GCH1: variants seen among roughly 807,000 people sequenced by gnomAD.
GCH1 encodes GTP cyclohydrolase 1, also known as GTP cyclohydrolase I.
A neutral mutation model predicts 25.9 loss-of-function variants in GCH1; 5 were observed. That is an observed-to-expected ratio of 0.19 (90% CI 0.10 to 0.41). GCH1 has a LOEUF of 0.41. GCH1 is among the 10% of genes least tolerant of loss of function. The pLI is 1.00. For synonymous variants in GCH1, 159 were observed against 129.6 expected, an observed-to-expected ratio of 1.23 and a Z score of -1.54; for missense variants, 261 against 336.5, an observed-to-expected ratio of 0.78 and a Z score of 1.75.
Position 54,902,574 on chromosome 14 carries a change from G to A in GCH1, c.90C>T (p.Pro30=). ...NGFPERDPPR[P]GPSRPAEKPP... is the part of the protein sequence containing the mutation. Reference sequence around the variant, plus strand: ...GCTTCTCCGCCGGCCTGCTGGGCCCGGGCCGCGGCGGATCCCGCTCGGGGA... The same window carrying A: ...GCTTCTCCGCCGGCCTGCTGGGCCCAGGCCGCGGCGGATCCCGCTCGGGGA... The change falls in exon 1 of 6, where the codon CCC becomes CCT. Residue 30 remains proline (P), a synonymous_variant. Transcript: ENST00000491895. 7 of 1,493,426 alleles carry A rather than the reference G, an allele frequency of 4.7e-6. No individual in the cohort carries two copies. The highest frequency in any genetic ancestry group is 6.2e-6 in the Non-Finnish European group (7 of 1,124,168). 92.5% of individuals were successfully genotyped at this position (1,493,426 alleles called of 1,614,324 possible).
Position 54,842,514 on chromosome 14 carries a change from C to T in GCH1, c.*1503G>A, listed in dbSNP as rs906968332. Reference sequence around the variant, plus strand: ...CAAGCCAACCATCACTGTACTTAAACTCCAGAAAGAAAAAGCTAGGAAACA... The same window carrying T: ...CAAGCCAACCATCACTGTACTTAAATTCCAGAAAGAAAAAGCTAGGAAACA... On this transcript the variant is annotated 3_prime_UTR_variant, in exon 6 of 6. Coordinates refer to ENST00000491895, the MANE Select transcript of GCH1 (RefSeq NM_000161.3). The T allele has an allele frequency of 1.3e-5, 2 of 152,806 alleles. No homozygotes were observed. Among genetic ancestry groups the T allele is most frequent in the African/African-American group, 4.8e-5 (2 of 41,436 alleles). The allele number at this position is 152,806 out of a possible 1,614,324, so 9.5% of individuals were successfully genotyped here. A position where few individuals can be genotyped will look rare whatever the true frequency, so the allele number is the denominator to read the frequency against.
intron 3 of GCH1, among the ~76,000 whole-genome samples, chr14:54,851,495 G>A (rs2039730037): frequency 6.6e-6 from 1 of 152,182 alleles, no homozygotes; most frequent in African/African-American, 2.4e-5. Context: ...CTAATATCCA[G>A]AATCTACAAA....
At chr14:54,892,852 G>A (rs533903425) in intron 1 of GCH1, among the ~76,000 whole-genome samples, 1 of 152,050 alleles carries the variant, frequency 6.6e-6, no homozygotes, top group Non-Finnish European at 1.5e-5. Flanking sequence ...GTTGAGACAG[G>A]CCAATCACTT....
Position 54,902,414 on chromosome 14 carries a change from C to G in GCH1, c.250G>C (p.Glu84Gln), listed in dbSNP as rs755556239. The part of the protein sequence containing the change: ...AYSSILSSLG[E>Q]NPQRQGLLKT... ...AGCAGCCCTTGCCGCTGGGGGTTCT[C>G]GCCCAGCGAGCTCAGGATGGACGAG... The change falls in exon 1 of 6, where the codon GAG becomes CAG. Residue 84 changes from glutamate to glutamine, a missense_variant. Around this residue, in one of 3 missense-constraint regions of GCH1, gnomAD observed 125 missense variants for 128.7 expected, o/e 0.97. Transcript: ENST00000491895. 2 of 1,612,970 alleles carry G rather than the reference C, an allele frequency of 1.2e-6. No individual in the cohort carries two copies. The highest frequency in any genetic ancestry group is 2.7e-5 in the African/African-American group (2 of 74,932).
chr14:54,869,514 C>CT (rs2040038583), intron 1 of GCH1, among the ~76,000 whole-genome samples: 1 of 151,286 alleles, frequency 6.6e-6, no homozygotes, highest in African/African-American at 2.4e-5. Flanking sequence ...AAGTTTTGCC[C>CT]TTGTTGCCCA....
rs552552373 is a variant in GCH1 at position 54,871,535 on chromosome 14, C to T, written c.344-6099G>A. On this transcript the variant is annotated intron_variant, in intron 1 of 5. Transcript: ENST00000491895. The stretch of plus-strand genomic sequence containing the variant: ...CGAATTGAGAGAAAAAGGCTTCAGA[C>T]GAACAAACTACTCCAAGCTAAAGGA... 2.0e-5 allele frequency among the ~76,000 whole-genome samples: 3 copies of T among 152,072 alleles called. 1 individual carries two copies. The highest frequency in any genetic ancestry group is 4.2e-4 in the South Asian group (2 of 4,818).
At chr14:54,879,220 A>G (rs1270088976) in intron 1 of GCH1, among the ~76,000 whole-genome samples, 1 of 152,046 alleles carries the variant, frequency 6.6e-6, no homozygotes, top group Non-Finnish European at 1.5e-5. Context: ...CAGGAGTTCA[A>G]AACCAGCCTG....
chr14:54,872,329 C>T (rs1003373804), intron 1 of GCH1, among the ~76,000 whole-genome samples: 1 of 152,224 alleles, frequency 6.6e-6, no homozygotes, highest in Admixed American at 6.5e-5. Context: ...GCCTGCCCTA[C>T]AAGAGCTCCT....
chr14:54,867,480 C>T (rs1036498029), intron 1 of GCH1, among the ~76,000 whole-genome samples: 6 of 146,822 alleles, frequency 4.1e-5, no homozygotes, highest in South Asian at 2.2e-4. Flanking sequence ...CCCAGCTACT[C>T]GGGGGGCTGA....
chr14:54,877,762 T>C (rs558289987), intron 1 of GCH1, among the ~76,000 whole-genome samples: 10 of 152,172 alleles, frequency 6.6e-5, no homozygotes, highest in Admixed American at 2.0e-4. Context: ...CCCAAAGTGC[T>C]GTGATTACAG....
At chr14:54,857,478 A>C (rs889739890) in intron 3 of GCH1, among the ~76,000 whole-genome samples, 3 of 152,166 alleles carry the variant, frequency 2.0e-5, no homozygotes, top group Non-Finnish European at 4.4e-5. Context: ...GCTTTTTTAC[A>C]CTATGAAACT....
At chr14:54,888,451 C>T (rs2040380980) in intron 1 of GCH1, among the ~76,000 whole-genome samples, 1 of 152,104 alleles carries the variant, frequency 6.6e-6, no homozygotes, top group African/African-American at 2.4e-5. Flanking sequence ...AACCAGTTAG[C>T]ATATTACTAG....
chr14:54,862,556 C>T (rs67468157), intron 2 of GCH1, among the ~76,000 whole-genome samples: 47,499 of 141,574 alleles, frequency 0.34, 8,284 homozygotes, highest in African/African-American at 0.39. Flanking sequence ...TAATTTTTGC[C>T]TGTTTTTTTG....
chr14:54,881,241 T>C (rs1019197792), intron 1 of GCH1, among the ~76,000 whole-genome samples: 8 of 152,050 alleles, frequency 5.3e-5, no homozygotes, highest in African/African-American at 1.4e-4. Context: ...TACCTTTGCA[T>C]GGAGGGGCTA....
intron 1 of GCH1, among the ~76,000 whole-genome samples, chr14:54,899,799 A>G (rs1595028261): frequency 6.6e-6 from 1 of 152,134 alleles, no homozygotes; most frequent in Non-Finnish European, 1.5e-5. Context: ...TTAAACAATC[A>G]CTACCCATCC....
In GCH1 at chr14:54,902,454, G is replaced by T. The variant is rs763168809; in HGVS notation, c.210C>A (p.Asn70Lys). Reference sequence around the variant, plus strand: ...GGATGGACGAGTAGGCGGCTGCCAGGTTAGGGAGGTTCAGCTCGTTATCCT... The same window carrying T: ...GGATGGACGAGTAGGCGGCTGCCAGTTTAGGGAGGTTCAGCTCGTTATCCT... The part of the protein sequence containing the change: ...SEEDNELNLP[N>K]LAAAYSSILS... The change falls in exon 1 of 6, where the codon AAC becomes AAA. Residue 70 changes from asparagine to lysine, a missense_variant. Physicochemically the swap from Asn to Lys is moderately conservative, Grantham distance 94. Coordinates refer to ENST00000491895, the MANE Select transcript of GCH1 (RefSeq NM_000161.3). 3 of 1,612,634 alleles carry T rather than the reference G, an allele frequency of 1.9e-6. No individual in the cohort carries two copies. The East Asian group carries it at 6.7e-5, about 36-fold the overall frequency.
intron 1 of GCH1, among the ~76,000 whole-genome samples, chr14:54,888,444 C>T (rs1041030380): frequency 6.6e-6 from 1 of 152,116 alleles, no homozygotes; most frequent in African/African-American, 2.4e-5. Flanking sequence ...GTTCATAAAC[C>T]AGTTAGCATA....
intron 1 of GCH1, among the ~76,000 whole-genome samples, chr14:54,876,405 A>T (rs1349901071): frequency 6.6e-6 from 1 of 152,152 alleles, no homozygotes; most frequent in Non-Finnish European, 1.5e-5. Context: ...TGACGAGTTA[A>T]TGGGTGCAGC....
chr14:54,863,171 G>A (rs530313906), intron 2 of GCH1, among the ~76,000 whole-genome samples: 1 of 152,136 alleles, frequency 6.6e-6, no homozygotes, highest in South Asian at 2.1e-4. Context: ...TGTAATCCCA[G>A]CACTTTGGGA....
Sources: gnomAD v4.1 joint callset for allele counts (sites outside exome capture counted in the v4.1 genomes callset) on GRCh38, gnomAD v4.1.1 for gene constraint, gnomAD v4.1.1 regional missense constraint, MANE v1.5 for transcripts, NCBI Gene and HGNC (gene_info 2026-07-23, HGNC 2026-07-21) for gene names.